The following CYP4X1 variants were observed in gnomAD, a reference collection of about 807,000 sequenced individuals.
CYP4X1 encodes the protein cytochrome P450 family 4 subfamily X member 1.
A neutral mutation model predicts 57.9 loss-of-function variants in CYP4X1; 44 were observed. The observed-to-expected ratio is 0.76, with a 90% CI of 0.60 to 0.98. The LOEUF is 0.98. Among genes scored for constraint, CYP4X1 ranks in the 50% least tolerant of loss-of-function variants. The pLI is 0.00. For missense variants in CYP4X1, 532 were observed against 623.9 expected (o/e 0.85, Z 1.57); for synonymous variants, 227 against 228.6 (o/e 0.99, Z 0.06).
intron 6 of CYP4X1, among the ~76,000 whole-genome samples, chr1:47,037,683 A>G (rs1470365934): frequency 6.6e-6 from 1 of 152,156 alleles, no homozygotes; most frequent in Non-Finnish European, 1.5e-5. Flanking sequence ...AACCATAAAT[A>G]ACTCCAGACA....
the CYP4X1 span, chr1:47,001,135 T>C: frequency 4.5e-6 from 1 of 219,932 alleles, no homozygotes; most frequent in East Asian, 1.1e-4. Flanking sequence ...CATTTTGTAC[T>C]GGACAGGCTC....
At chr1:47,010,712 G>A in the CYP4X1 span, among the ~76,000 whole-genome samples, 1 of 152,190 alleles carries the variant, frequency 6.6e-6, no homozygotes, top group Non-Finnish European at 1.5e-5. Context: ...CTTCAGCAAA[G>A]TCTCAGGATA....
intron 8 of CYP4X1, among the ~76,000 whole-genome samples, chr1:47,043,857 C>T (rs986801766): frequency 6.6e-6 from 1 of 152,152 alleles, no homozygotes; most frequent in African/African-American, 2.4e-5. Flanking sequence ...GTCTTCTTGT[C>T]TCTTTTTACA....
the CYP4X1 span, among the ~76,000 whole-genome samples, chr1:46,995,232 C>T: frequency 1.3e-5 from 2 of 151,942 alleles, no homozygotes; most frequent in South Asian, 2.1e-4. Context: ...ATGCTACGTA[C>T]CTAATAGATT....
the CYP4X1 span, among the ~76,000 whole-genome samples, chr1:47,006,596 A>C: frequency 6.6e-6 from 1 of 152,050 alleles, no homozygotes; most frequent in African/African-American, 2.4e-5. Flanking sequence ...AGGACAGTGG[A>C]TGCAACACAC....
chr1:47,016,943 A>G, the CYP4X1 span, among the ~76,000 whole-genome samples: 1 of 151,432 alleles, frequency 6.6e-6, no homozygotes, highest in African/African-American at 2.5e-5. Context: ...CACAAGTGAG[A>G]ACATGTGATG....
downstream of CYP4X1, among the ~76,000 whole-genome samples, chr1:47,052,021 G>A (rs1644363153): frequency 6.6e-6 from 1 of 151,886 alleles, no homozygotes; most frequent in Non-Finnish European, 1.5e-5. Context: ...CCTATTTGGG[G>A]TCAAAATAAA....
the CYP4X1 span, among the ~76,000 whole-genome samples, chr1:46,979,425 G>A: frequency 6.8e-4 from 103 of 152,218 alleles, no homozygotes; most frequent in Non-Finnish European, 1.2e-3. Flanking sequence ...GACTAAACCA[G>A]AAAGAAGTTG....
chr1:47,048,745 A>G, intron 10 of CYP4X1, 116 bp downstream of exon 10: 1 of 1,010,236 alleles, frequency 9.9e-7, no homozygotes, highest in East Asian at 2.4e-5. Flanking sequence ...AAATTAAACA[A>G]AAATAAACAT....
At chr1:47,049,972 T>C (rs1644344818) in intron 11 of CYP4X1, 28 bp from the exon 12 acceptor site, 3 of 1,604,424 alleles carry the variant, frequency 1.9e-6, no homozygotes, top group Non-Finnish European at 2.6e-6. Flanking sequence ...TTTTTTCAAG[T>C]ATCACTTTCT....
chr1:47,041,379 A>G (rs148748425), intron 8 of CYP4X1, among the ~76,000 whole-genome samples: 2 of 151,376 alleles, frequency 1.3e-5, no homozygotes, highest in African/African-American at 4.8e-5. Context: ...ACAATTTTCC[A>G]TATGGCTGTA....
At chr1:46,990,442 A>C in the CYP4X1 span, among the ~76,000 whole-genome samples, 7 of 152,360 alleles carry the variant, frequency 4.6e-5, no homozygotes, top group Non-Finnish European at 8.8e-5. Context: ...ACGCTTTTAC[A>C]TTGTTGATGG....
chr1:47,048,607 C>T lies in CYP4X1; in HGVS notation c.1250C>T (p.Pro417Leu). Residue 417 changes from proline (P) to leucine (L), a missense_variant, in exon 10 of 12, where the codon CCT (proline) becomes CTT (leucine). Pro to Leu is a moderately conservative substitution (Grantham distance 98, BLOSUM62 -3). Coordinates refer to ENST00000371901, the MANE Select transcript of CYP4X1 (RefSeq NM_178033.2). The part of the protein sequence containing the change: ...VLSIWGLHHN[P>L]AVWKNPKVFD... ...AGTATTTGGGGTCTTCACCACAACC[C>T]TGCTGTCTGGAAAAACCCAAAGGTA... The T allele has an allele frequency of 6.2e-7, 1 of 1,613,118 alleles. No homozygotes were observed. Among genetic ancestry groups the T allele is most frequent in the Non-Finnish European group, 8.5e-7 (1 of 1,179,798 alleles).
chr1:46,971,054 G>A, the CYP4X1 span, among the ~76,000 whole-genome samples: 1 of 152,108 alleles, frequency 6.6e-6, no homozygotes, highest in African/African-American at 2.4e-5. Context: ...GTATTCAATA[G>A]GTAATTTTTG....
chr1:46,984,123 G>C, the CYP4X1 span, among the ~76,000 whole-genome samples: 1 of 150,900 alleles, frequency 6.6e-6, no homozygotes, highest in Non-Finnish European at 1.5e-5. Flanking sequence ...GTTGGTGGGG[G>C]AGGGCGGGGA....
chr1:47,020,450 C>T (rs1022424644), upstream of CYP4X1, among the ~76,000 whole-genome samples: 4 of 152,218 alleles, frequency 2.6e-5, no homozygotes, highest in Non-Finnish European at 5.9e-5. Flanking sequence ...CCTGCATCCC[C>T]ACTAGCCTGG....
the CYP4X1 span, among the ~76,000 whole-genome samples, chr1:47,017,758 C>A: frequency 6.6e-6 from 1 of 152,138 alleles, no homozygotes; most frequent in South Asian, 2.1e-4. Flanking sequence ...GACCTAGAAG[C>A]CCCCTCCCTC....
the CYP4X1 span, among the ~76,000 whole-genome samples, chr1:46,984,011 A>G: frequency 6.6e-6 from 1 of 151,672 alleles, no homozygotes; most frequent in Admixed American, 6.6e-5. Context: ...CAGCTGGTGC[A>G]GGAGTGCTCA....
At chr1:46,993,453 T>C in the CYP4X1 span, among the ~76,000 whole-genome samples, 4 of 152,234 alleles carry the variant, frequency 2.6e-5, no homozygotes, top group East Asian at 7.7e-4. Context: ...TACCCAGTAA[T>C]GGGATGGCTG....
Sources: gnomAD v4.1 joint callset for allele counts (sites outside exome capture counted in the v4.1 genomes callset) on GRCh38, gnomAD v4.1.1 for gene constraint, MANE v1.5 for transcripts, NCBI Gene and HGNC (gene_info 2026-07-23, HGNC 2026-07-21) for gene names.